Variants in SGCD observed in about 807,000 individuals in gnomAD.
The protein encoded by SGCD is sarcoglycan delta.
In SGCD, 18 loss-of-function variants were observed where a neutral mutation model predicts 36.6. The ratio of observed to expected loss-of-function variants is 0.49; its 90% confidence interval spans 0.34 to 0.73. The LOEUF is 0.73. SGCD is among the 30% of genes least tolerant of loss of function. SGCD has a pLI of 0.01. For missense variants in SGCD, 387 were observed against 346.7 expected (o/e 1.12, Z -0.92); for synonymous variants, 133 against 130.6 (o/e 1.02, Z -0.12).
chr5:155,823,398 G>A, the SGCD span, among the ~76,000 whole-genome samples: 399 of 151,352 alleles, frequency 2.6e-3, no homozygotes, highest in Non-Finnish European at 4.9e-3. Flanking sequence ...GATAATGGCC[G>A]CCCACATTTG....
At chr5:156,630,240 G>A (rs556373383) in intron 6 of SGCD, among the ~76,000 whole-genome samples, 1 of 152,292 alleles carries the variant, frequency 6.6e-6, no homozygotes, top group African/African-American at 2.4e-5. Context: ...TAAACTGTGA[G>A]AGGTATAAGA....
intron 3 of SGCD, among the ~76,000 whole-genome samples, chr5:156,257,865 A>G (rs1375382705): frequency 6.7e-6 from 1 of 148,210 alleles, no homozygotes; most frequent in African/African-American, 2.6e-5. Flanking sequence ...GTCTGCCTCA[A>G]ACAAACAGAC....
intron 4 of SGCD, among the ~76,000 whole-genome samples, chr5:156,571,436 T>C (rs192100339): frequency 1.3e-5 from 2 of 152,284 alleles, no homozygotes; most frequent in Admixed American, 1.3e-4. Context: ...TACTGGCTTA[T>C]TAAGTATTTA....
chr5:156,352,165 A>G (rs1769293627), intron 3 of SGCD, among the ~76,000 whole-genome samples: 1 of 152,210 alleles, frequency 6.6e-6, no homozygotes. Flanking sequence ...TTGATCATGT[A>G]GACAATCATT....
At chr5:156,321,374 C>T (rs756977438) in intron 3 of SGCD, among the ~76,000 whole-genome samples, 5 of 152,050 alleles carry the variant, frequency 3.3e-5, no homozygotes, top group Non-Finnish European at 7.4e-5. Flanking sequence ...GAGCCGAGAT[C>T]GCACCACTGC....
At chr5:156,746,997 A>AAAATC in intron 7 of SGCD, among the ~76,000 whole-genome samples, 3 of 152,284 alleles carry the variant, frequency 2.0e-5, no homozygotes, top group Admixed American at 2.0e-4. Flanking sequence ...GGATATATAC[A>AAAATC]AAGTCAATAA....
At position 156,420,143 on chromosome 5, in the gene SGCD, A is replaced by G. The variant is rs79585890; in HGVS notation, c.192+75466A>G. On this transcript the variant is annotated intron_variant, in intron 3 of 8. Coordinates refer to ENST00000337851, the MANE Select transcript of SGCD (RefSeq NM_000337.6). ...CTCACACTTTGCCATCAACTTTACC[A>G]TTTATTTCCCTCTTCATAACACCTG... Among the ~76,000 whole-genome samples the G allele has an allele frequency of 6.5e-3, 994 of 152,212 alleles. 11 individuals are homozygous for G. Among genetic ancestry groups the G allele is most frequent in the African/African-American group, 0.022 (932 of 41,528 alleles).
At chr5:156,611,718 A>C (rs73815171) in intron 6 of SGCD, among the ~76,000 whole-genome samples, 1 of 152,284 alleles carries the variant, frequency 6.6e-6, no homozygotes, top group South Asian at 2.1e-4. Context: ...GTATAATGCA[A>C]ACATTCGTTA....
chr5:155,987,691 C>T (rs1448355383), intron 1 of SGCD, among the ~76,000 whole-genome samples: 3 of 152,132 alleles, frequency 2.0e-5, no homozygotes, highest in Admixed American at 6.6e-5. Context: ...CATCTGCCTT[C>T]CCTGCCAGGC....
intron 1 of SGCD, among the ~76,000 whole-genome samples, chr5:156,069,459 G>A (rs944017934): frequency 6.6e-6 from 1 of 151,914 alleles, no homozygotes; most frequent in Non-Finnish European, 1.5e-5. Context: ...TTTCTAAGGG[G>A]TCTCTTCCAT....
intron 1 of SGCD, among the ~76,000 whole-genome samples, chr5:155,882,195 A>G (rs150255622): frequency 1.4e-3 from 213 of 152,056 alleles, no homozygotes; most frequent in African/African-American, 4.9e-3. Context: ...TGCAGCCTCA[A>G]CTGGGCCCAA....
intron 1 of SGCD, among the ~76,000 whole-genome samples, chr5:155,940,863 C>T (rs1011476949): frequency 1.8e-4 from 27 of 147,622 alleles, no homozygotes; most frequent in Non-Finnish European, 3.0e-4. Context: ...CAAACAACAA[C>T]AACAACAACA....
chr5:156,593,572 C>T (rs1405818039), intron 5 of SGCD, among the ~76,000 whole-genome samples: 1 of 152,078 alleles, frequency 6.6e-6, no homozygotes, highest in African/African-American at 2.4e-5. Context: ...AGATTTACTC[C>T]CATTTTCTGA....
upstream of SGCD, among the ~76,000 whole-genome samples, chr5:156,324,663 A>G (rs1173258731): frequency 6.6e-6 from 1 of 152,246 alleles, no homozygotes; most frequent in East Asian, 1.9e-4. Context: ...GCATTGTTTG[A>G]TTAGGGCTGA....
At chr5:156,229,239 C>CACATATATATATACATAT (rs1561574797) in intron 3 of SGCD, among the ~76,000 whole-genome samples, 1 of 103,840 alleles carries the variant, frequency 9.6e-6, no homozygotes, top group African/African-American at 3.5e-5. Context: ...CATATACATA[C>CACATATATATATACATAT]ATATATATAT....
intron 3 of SGCD, among the ~76,000 whole-genome samples, chr5:156,260,020 A>G (rs1245366929): frequency 6.6e-6 from 1 of 152,238 alleles, no homozygotes; most frequent in East Asian, 1.9e-4. Flanking sequence ...AAAATGAATT[A>G]AGACAATTTA....
At chr5:156,474,390 T>C (rs1755095050) in intron 3 of SGCD, among the ~76,000 whole-genome samples, 1 of 152,218 alleles carries the variant, frequency 6.6e-6, no homozygotes, top group African/African-American at 2.4e-5. Flanking sequence ...GTACCCTTCC[T>C]GGCCTGGGAC....
intron 3 of SGCD, among the ~76,000 whole-genome samples, chr5:156,314,667 A>G (rs1317555790): frequency 6.6e-6 from 1 of 152,040 alleles, no homozygotes; most frequent in Admixed American, 6.6e-5. Flanking sequence ...TGACAACAAT[A>G]AATAATGGCA....
In SGCD at chr5:156,728,508, CAAAAAAA is replaced by C. The variant is rs34726270; in HGVS notation, c.576-29051_576-29045del. On this transcript the variant is annotated intron_variant, in intron 7 of 8. Coordinates refer to ENST00000337851, the MANE Select transcript of SGCD (RefSeq NM_000337.6). ...CCTGGGTGACAGAGCGAGACTCTGTCAAAAAAAAAAAAAAAAAAAAAAAAAAAAGGTA... is the reference window on the plus strand; with the variant it reads ...CCTGGGTGACAGAGCGAGACTCTGTCAAAAAAAAAAAAAAAAAAAAAGGTA... 2.3e-3 allele frequency among the ~76,000 whole-genome samples: 107 copies of C among 46,552 alleles called. 1 individual carries two copies. The highest frequency in any genetic ancestry group is 9.0e-3 in the African/African-American group (104 of 11,608). The allele number at this position is 46,552 out of a possible 152,430, so 30.5% of individuals were successfully genotyped here.
Sources: allele counts gnomAD v4.1 joint callset (sites outside exome capture counted in the v4.1 genomes callset), GRCh38; gene constraint gnomAD v4.1.1; transcripts MANE v1.5; gene names NCBI Gene and HGNC (gene_info 2026-07-23, HGNC 2026-07-21).